The following RABGAP1L variants were observed in gnomAD, a reference collection of about 807,000 sequenced individuals.
RABGAP1L encodes rab GTPase-activating protein 1-like.
Under a neutral mutation model 137.7 loss-of-function variants are expected in RABGAP1L, and 63 were observed. The ratio of observed to expected loss-of-function variants is 0.46; its 90% confidence interval spans 0.37 to 0.56. The LOEUF (loss-of-function observed/expected upper bound fraction) is 0.56. Among genes scored for constraint, RABGAP1L ranks in the 20% least tolerant of loss-of-function variants. The probability of loss-of-function intolerance (pLI) is 0.00; values close to 1 mark genes in which losing one functional copy is unlikely to be tolerated. For synonymous variants in RABGAP1L, 431 were observed against 433.7 expected (o/e 0.99, Z 0.08); for missense variants, 1,095 against 1,244.0 (o/e 0.88, Z 1.80).
At chr1:174,610,423 T>C (rs1236516122) in intron 13 of RABGAP1L, among the ~76,000 whole-genome samples, 2 of 151,892 alleles carry the variant, frequency 1.3e-5, no homozygotes, top group Non-Finnish European at 2.9e-5. Flanking sequence ...CCATGGTGTA[T>C]ATGTGCCACA....
At chr1:174,225,953 G>C (rs1321470976) in intron 3 of RABGAP1L, among the ~76,000 whole-genome samples, 1 of 152,050 alleles carries the variant, frequency 6.6e-6, no homozygotes, top group African/African-American at 2.4e-5. Context: ...CCAGATTGTA[G>C]ATGCTTACAG....
chr1:174,308,293 G>C (rs888570924), intron 11 of RABGAP1L, among the ~76,000 whole-genome samples: 3 of 151,924 alleles, frequency 2.0e-5, no homozygotes, highest in African/African-American at 7.2e-5. Flanking sequence ...GTTATGAGAT[G>C]TGTGATTTGC....
In RABGAP1L at chr1:174,829,975, T is replaced by G. The variant is rs1044626074; in HGVS notation, c.2340+18015T>G. On this transcript the variant is annotated intron_variant, in intron 19 of 25. Transcript: ENST00000681986. ...TTACAGGTTTAAAACAACAATATTT[T>G]TCGTGATTCTGTGAGTTGGCTAGGT... 5.4e-5 allele frequency among the ~76,000 whole-genome samples: 8 copies of G among 148,292 alleles called. 1 individual carries two copies. The highest frequency in any genetic ancestry group is 6.0e-5 in the Non-Finnish European group (4 of 66,720).
chr1:174,632,344 CT>C (rs1405402009), intron 13 of RABGAP1L, among the ~76,000 whole-genome samples: 1 of 148,020 alleles, frequency 6.8e-6, no homozygotes, highest in African/African-American at 2.6e-5. Flanking sequence ...TTCATTTCAA[CT>C]TTGGTGAATC....
At chr1:174,464,172 G>A (rs1313722325) in intron 13 of RABGAP1L, among the ~76,000 whole-genome samples, 1 of 152,128 alleles carries the variant, frequency 6.6e-6, no homozygotes, top group Non-Finnish European at 1.5e-5. Flanking sequence ...ATGCCTTTTA[G>A]TGGAGATTTG....
chr1:174,232,914 T>TTCTTCTTA (rs1459087572), intron 4 of RABGAP1L, among the ~76,000 whole-genome samples: 1 of 152,214 alleles, frequency 6.6e-6, no homozygotes, highest in African/African-American at 2.4e-5. Context: ...CTTCCTTCTT[T>TTCTTCTTA]TCTTCTTAGC....
In RABGAP1L at chr1:174,322,684, A is replaced by G. The variant is rs898919078; in HGVS notation, c.1465+17557A>G. On this transcript the variant is annotated intron_variant, in intron 11 of 25. Transcript: ENST00000681986. ...CTGTAAGTCACAGAGTTAAGCCCTT[A>G]TTTACATTGTGTGATTCTACTGTAT... 3.3e-5 allele frequency among the ~76,000 whole-genome samples: 5 copies of G among 152,106 alleles called. No individual in the cohort carries two copies. In the East Asian group the frequency reaches 5.8e-4, roughly 18 times the overall value.
chr1:174,606,953 C>T (rs1670837593), intron 13 of RABGAP1L, among the ~76,000 whole-genome samples: 1 of 152,046 alleles, frequency 6.6e-6, no homozygotes, highest in African/African-American at 2.4e-5. Context: ...CCTGTTTAAT[C>T]AAGAATAAAA....
chr1:174,823,019 A>G (rs182313176), intron 19 of RABGAP1L, among the ~76,000 whole-genome samples: 17 of 152,384 alleles, frequency 1.1e-4, no homozygotes, highest in African/African-American at 3.6e-4. Flanking sequence ...ATAGTAAACC[A>G]TAGGAATAGA....
chr1:174,332,293 A>G (rs1017556358), intron 11 of RABGAP1L, among the ~76,000 whole-genome samples: 1 of 152,120 alleles, frequency 6.6e-6, no homozygotes, highest in African/African-American at 2.4e-5. Context: ...AGATCATAAG[A>G]ATGTTTTTTA....
intron 13 of RABGAP1L, among the ~76,000 whole-genome samples, chr1:174,432,285 T>G (rs1196916916): frequency 6.6e-6 from 1 of 152,174 alleles, no homozygotes; most frequent in Non-Finnish European, 1.5e-5. Context: ...GCAAAAGATA[T>G]GATTTAATTT....
chr1:174,353,739 T>C (rs1683386569), intron 11 of RABGAP1L, among the ~76,000 whole-genome samples: 1 of 152,186 alleles, frequency 6.6e-6, no homozygotes, highest in Non-Finnish European at 1.5e-5. Flanking sequence ...CTGTGCTCTG[T>C]CTTCCCCAAG....
intron 19 of RABGAP1L, among the ~76,000 whole-genome samples, chr1:174,847,452 G>T (rs1001708530): frequency 5.3e-5 from 8 of 150,702 alleles, no homozygotes; most frequent in African/African-American, 2.0e-4. Flanking sequence ...GCATTTGCTT[G>T]TCTGTAAAGT....
chr1:174,332,763 G>A (rs1337890651), intron 11 of RABGAP1L, among the ~76,000 whole-genome samples: 1 of 152,058 alleles, frequency 6.6e-6, no homozygotes, highest in African/African-American at 2.4e-5. Flanking sequence ...GGAAAACAGT[G>A]TGGAGGTTCC....
At chr1:174,779,685 CAT>C (rs1313711292) in intron 18 of RABGAP1L, among the ~76,000 whole-genome samples, 5 of 152,150 alleles carry the variant, frequency 3.3e-5, no homozygotes, top group African/African-American at 1.2e-4. Context: ...AGAAAGAAAT[CAT>C]ACTAACCCTT....
intron 19 of RABGAP1L, among the ~76,000 whole-genome samples, chr1:174,873,506 G>C (rs1652534886): frequency 7.5e-6 from 1 of 132,952 alleles, no homozygotes; most frequent in African/African-American, 3.2e-5. Flanking sequence ...CCTGAGTTGA[G>C]ATAATTTTTT....
chr1:174,397,827 G>A (rs547481471), intron 13 of RABGAP1L, among the ~76,000 whole-genome samples: 2 of 152,274 alleles, frequency 1.3e-5, no homozygotes, highest in African/African-American at 2.4e-5. Context: ...GGGGTTCTTA[G>A]TGCCACCCTG....
chr1:174,772,495 G>C (rs1182593571), intron 18 of RABGAP1L, among the ~76,000 whole-genome samples: 3 of 150,492 alleles, frequency 2.0e-5, no homozygotes, highest in African/African-American at 7.4e-5. Flanking sequence ...TTGAACCCGG[G>C]AGGCGGAGCT....
chr1:174,229,449 G>C (rs1307985466), intron 3 of RABGAP1L, among the ~76,000 whole-genome samples: 1 of 152,132 alleles, frequency 6.6e-6, no homozygotes. Context: ...ACTTAGTCAA[G>C]GGTTTAGTAT....
Sources: gnomAD v4.1 joint callset for allele counts (sites outside exome capture counted in the v4.1 genomes callset) on GRCh38, gnomAD v4.1.1 for gene constraint, MANE v1.5 for transcripts, NCBI Gene and HGNC (gene_info 2026-07-23, HGNC 2026-07-21) for gene names.